The following EYS variants were observed in gnomAD, a reference collection of about 807,000 sequenced individuals.
The protein encoded by EYS is EGF-like photoreceptor maintenance factor, also known as protein eyes shut homolog.
Under a neutral mutation model 282.1 loss-of-function variants are expected in EYS, and 250 were observed. That is an observed-to-expected ratio of 0.89 (90% confidence interval 0.80 to 0.98). The LOEUF (loss-of-function observed/expected upper bound fraction) is 0.98. Ranked by LOEUF, EYS falls within the 50% of genes least tolerant of loss-of-function variation. The pLI, the probability that EYS is intolerant of heterozygous loss-of-function variation, is 0.00. For synonymous variants in EYS, 1,355 were observed against 1,282.9 expected, an observed-to-expected ratio of 1.06 and a Z score of -1.20; for missense variants, 4,016 against 3,709.0, an observed-to-expected ratio of 1.08 and a Z score of -2.15.
At chr6:65,311,481 A>T (rs1769158548) in intron 11 of EYS, among the ~76,000 whole-genome samples, 1 of 152,172 alleles carries the variant, frequency 6.6e-6, no homozygotes, top group Non-Finnish European at 1.5e-5. Context: ...GCAGTAGAAT[A>T]TTGTGTTCCC....
intron 30 of EYS, among the ~76,000 whole-genome samples, chr6:64,305,834 A>G (rs1769422822): frequency 6.6e-6 from 1 of 152,224 alleles, no homozygotes; most frequent in Non-Finnish European, 1.5e-5. Context: ...TTTCTTGGAT[A>G]TGGATATGAC....
intron 2 of EYS, among the ~76,000 whole-genome samples, chr6:65,630,967 T>C (rs1367506508): frequency 6.6e-6 from 1 of 152,250 alleles, no homozygotes; most frequent in Non-Finnish European, 1.5e-5. Context: ...ATGTGTATTC[T>C]TTAATGCATT....
At chr6:65,317,612 T>C (rs1355483145) in intron 11 of EYS, among the ~76,000 whole-genome samples, 2 of 152,170 alleles carry the variant, frequency 1.3e-5, no homozygotes, top group Non-Finnish European at 2.9e-5. Flanking sequence ...TAGGGGCAGC[T>C]TGGCTGGTTC....
Position 63,733,750 on chromosome 6 carries a change from C to T in EYS, c.8072-7070G>A, listed in dbSNP as rs915504844. ...TCTCACGGACCACGTTATAAACATG[C>T]ATTGGGTTGCTTGGGGAGGAAGTCT... On this transcript the variant is annotated intron_variant, in intron 41 of 42. Coordinates refer to ENST00000503581, the MANE Select transcript of EYS (RefSeq NM_001142800.2). Among the ~76,000 whole-genome samples, 4 of 152,084 alleles carry T rather than the reference C, an allele frequency of 2.6e-5. No individual in the cohort carries two copies. In the South Asian group the frequency reaches 8.3e-4, roughly 31 times the overall value.
chr6:64,853,960 A>G (rs1765967412), intron 19 of EYS, among the ~76,000 whole-genome samples: 1 of 152,042 alleles, frequency 6.6e-6, no homozygotes, highest in Non-Finnish European at 1.5e-5. Context: ...GACACTTCTC[A>G]AAATAAGACA....
intron 26 of EYS, among the ~76,000 whole-genome samples, chr6:64,574,681 T>TA: frequency 6.6e-6 from 1 of 152,306 alleles, no homozygotes; most frequent in South Asian, 2.1e-4. Context: ...ATATATTCAT[T>TA]TCTTATGTTT....
intron 26 of EYS, among the ~76,000 whole-genome samples, chr6:64,458,065 AC>A (rs1396680634): frequency 1.3e-5 from 2 of 152,024 alleles, no homozygotes; most frequent in East Asian, 1.9e-4. Context: ...AAATCTCTAC[AC>A]TTTGACTCCA....
intron 35 of EYS, among the ~76,000 whole-genome samples, chr6:63,939,910 T>A (rs1312223954): frequency 2.0e-5 from 3 of 152,210 alleles, no homozygotes; most frequent in Non-Finnish European, 4.4e-5. Context: ...AGTATTAAAT[T>A]ATAACTGCAT....
rs565215329 is a variant in EYS, at chr6:64,338,484, C to T, written c.6079-31402G>A. Among the ~76,000 whole-genome samples the T allele has an allele frequency of 6.6e-5, 10 of 151,958 alleles. No homozygotes were observed. The East Asian group carries it at 1.7e-3, about 26-fold the overall frequency. ...CACTACTGAAAGAAATCGTAGACAA[C>T]ACAAACAAATGGAAATGCATCCTAA... On this transcript the variant is annotated intron_variant, in intron 29 of 42. Coordinates refer to ENST00000503581, the MANE Select transcript of EYS (RefSeq NM_001142800.2).
chr6:64,229,707 A>C (rs1200282939), intron 31 of EYS, among the ~76,000 whole-genome samples: 1 of 143,580 alleles, frequency 7.0e-6, no homozygotes, highest in African/African-American at 2.7e-5. Context: ...GTGGAATAAC[A>C]CACATGCACA....
chr6:64,663,578 TC>T (rs1465495814), intron 22 of EYS, among the ~76,000 whole-genome samples: 1 of 152,142 alleles, frequency 6.6e-6, no homozygotes, highest in Non-Finnish European at 1.5e-5. Context: ...ATTACCAATG[TC>T]CATATCAGCA....
intron 12 of EYS, among the ~76,000 whole-genome samples, chr6:65,292,953 T>G (rs550486592): frequency 3.3e-5 from 5 of 151,808 alleles, no homozygotes; most frequent in African/African-American, 1.2e-4. Context: ...AAAAGGAGTT[T>G]GCTTTAGGAT....
chr6:64,301,830 A>G (rs1582562871), intron 30 of EYS, among the ~76,000 whole-genome samples: 1 of 152,314 alleles, frequency 6.6e-6, no homozygotes, highest in East Asian at 1.9e-4. Flanking sequence ...TAAACATGGG[A>G]AAGTGGCCAT....
chr6:64,667,662 A>G (rs1300094819), intron 22 of EYS, among the ~76,000 whole-genome samples: 1 of 152,016 alleles, frequency 6.6e-6, no homozygotes, highest in African/African-American at 2.4e-5. Context: ...TTATATTTTC[A>G]TATAGAGGGA....
intron 26 of EYS, among the ~76,000 whole-genome samples, chr6:64,443,753 T>C (rs1351200079): frequency 1.3e-5 from 2 of 152,192 alleles, no homozygotes; most frequent in East Asian, 1.9e-4. Context: ...CTGCCATCTA[T>C]GTAATATGTG....
intron 33 of EYS, among the ~76,000 whole-genome samples, chr6:64,053,997 A>G (rs1020288545): frequency 1.3e-5 from 2 of 152,130 alleles, no homozygotes; most frequent in African/African-American, 2.4e-5. Flanking sequence ...AAGTCTGTAT[A>G]ATTGATTTTC....
intron 12 of EYS, among the ~76,000 whole-genome samples, chr6:65,068,177 G>A (rs1010328525): frequency 6.6e-6 from 1 of 151,982 alleles, no homozygotes; most frequent in African/African-American, 2.4e-5. Flanking sequence ...CTTGGCTAAT[G>A]CCAACATGCA....
At chr6:63,818,741 C>G (rs1314843957) in intron 36 of EYS, among the ~76,000 whole-genome samples, 2 of 152,164 alleles carry the variant, frequency 1.3e-5, no homozygotes, top group Non-Finnish European at 2.9e-5. Context: ...ACCTTGGAGC[C>G]CTCAGAATTA....
At chr6:65,231,211 C>A (rs745953673) in intron 12 of EYS, among the ~76,000 whole-genome samples, 3 of 139,546 alleles carry the variant, frequency 2.1e-5, no homozygotes, top group African/African-American at 5.2e-5. Flanking sequence ...ATTTTCTTTT[C>A]AGACATATAT....
Sources: gnomAD v4.1 joint callset for allele counts (sites outside exome capture counted in the v4.1 genomes callset) on GRCh38, gnomAD v4.1.1 for gene constraint, MANE v1.5 for transcripts, NCBI Gene and HGNC (gene_info 2026-07-23, HGNC 2026-07-21) for gene names.